XXYLT1: variants seen among roughly 807,000 people sequenced by gnomAD.
The protein encoded by XXYLT1 is xyloside xylosyltransferase 1, also known as UDP-xylose:alpha-xyloside alpha-1,3-xylosyltransferase.
XXYLT1 carries 20 observed loss-of-function variants against 28.9 expected under a neutral mutation model. The ratio of observed to expected loss-of-function variants is 0.69; its 90% CI spans 0.49 to 1.00. The LOEUF (loss-of-function observed/expected upper bound fraction) is 1.00, where lower values mean the gene tolerates loss of function less well. Among genes scored for constraint, XXYLT1 ranks in the 50% least tolerant of loss-of-function variants. The pLI, the probability that XXYLT1 is intolerant of heterozygous loss-of-function variation, is 0.00. For missense variants in XXYLT1, 542 were observed against 560.1 expected (o/e 0.97, Z 0.33); for synonymous variants, 257 against 253.8 (o/e 1.01, Z -0.12).
At chr3:195,103,333 ACGC>A in intron 3 of XXYLT1, among the ~76,000 whole-genome samples, 3 of 129,488 alleles carry the variant, frequency 2.3e-5, no homozygotes, top group African/African-American at 2.9e-5. Flanking sequence ...CCATCACCCC[ACGC>A]CAGCGACCTG....
rs898895904 is a variant in XXYLT1 at position 195,256,677 on chromosome 3, C to T, written c.504+13878G>A. On this transcript the variant is annotated intron_variant, in intron 1 of 3. Transcript: ENST00000310380. The surrounding 1 kb of genome is among the most constrained non-coding windows in gnomAD (Gnocchi z 4.2). ...AACAGACTGTTACTCAGAGCCGGAG[C>T]GTCCCCACTCCTCTTATGATGAGAA... The T allele has an allele frequency of 1.8e-5, 12 of 671,462 alleles. No individual in the cohort carries two copies. The highest frequency in any genetic ancestry group is 6.3e-5 in the Admixed American group (1 of 15,872). 41.6% of individuals were successfully genotyped at this position (671,462 alleles called of 1,614,324 possible).
chr3:195,109,166 T>G (rs776237221), intron 3 of XXYLT1, among the ~76,000 whole-genome samples: 3 of 151,960 alleles, frequency 2.0e-5, no homozygotes, highest in Non-Finnish European at 2.9e-5. Context: ...TCTTCGTTGC[T>G]TGCAGATCTC....
intron 3 of XXYLT1, among the ~76,000 whole-genome samples, chr3:195,102,460 T>C (rs1335214866): frequency 6.6e-6 from 1 of 152,038 alleles, no homozygotes; most frequent in East Asian, 1.9e-4. Flanking sequence ...GTGGCCACGG[T>C]AACCATCATT....
intron 2 of XXYLT1, among the ~76,000 whole-genome samples, chr3:195,220,259 A>G (rs1191819355): frequency 6.6e-6 from 1 of 152,188 alleles, no homozygotes; most frequent in Non-Finnish European, 1.5e-5. Flanking sequence ...CTCCCGCCTC[A>G]GCCTCCCAAG....
chr3:195,192,274 A>G (rs114459634), intron 2 of XXYLT1, among the ~76,000 whole-genome samples: 2,733 of 152,164 alleles, frequency 0.018, 36 homozygotes, highest in Non-Finnish European at 0.027. Context: ...CAAATACAAA[A>G]ATTCGCCAGG....
intron 3 of XXYLT1, among the ~76,000 whole-genome samples, chr3:195,119,240 C>A (rs745613056): frequency 6.8e-6 from 1 of 147,638 alleles, no homozygotes; most frequent in Non-Finnish European, 1.5e-5. Flanking sequence ...GCCGAGATTG[C>A]GCCATTGCAC....
At chr3:195,249,200 G>A (rs541784747) in intron 1 of XXYLT1, among the ~76,000 whole-genome samples, 5 of 152,218 alleles carry the variant, frequency 3.3e-5, no homozygotes, top group South Asian at 2.1e-4. Context: ...TGATTTCCCC[G>A]CCTGACGTCA....
At chr3:195,085,529 G>A (rs760362021) in intron 3 of XXYLT1, among the ~76,000 whole-genome samples, 1 of 152,158 alleles carries the variant, frequency 6.6e-6, no homozygotes, top group Non-Finnish European at 1.5e-5. Flanking sequence ...AGTTCTACTC[G>A]AGAAGCACAG....
intron 3 of XXYLT1, among the ~76,000 whole-genome samples, chr3:195,117,098 A>C (rs538870090): frequency 2.1e-3 from 249 of 119,632 alleles, no homozygotes; most frequent in Non-Finnish European, 3.5e-3. Context: ...GAAACATCCT[A>C]TATATATATA....
At chr3:195,131,972 G>A (rs550100134) in intron 3 of XXYLT1, among the ~76,000 whole-genome samples, 1 of 152,304 alleles carries the variant, frequency 6.6e-6, no homozygotes, top group African/African-American at 2.4e-5. Flanking sequence ...TCAGCATCTA[G>A]CAGGCCCAAG....
rs146552614 is a variant in XXYLT1 at position 195,111,224 on chromosome 3, T to G, written c.786-41113A>C. Among the ~76,000 whole-genome samples, 193 of 152,200 alleles carry G rather than the reference T, an allele frequency of 1.3e-3. 1 individual carries two copies. Among genetic ancestry groups the G allele is most frequent in the African/African-American group, 4.2e-3 (176 of 41,490 alleles). On this transcript the variant is annotated intron_variant, in intron 3 of 3. Transcript: ENST00000310380. ...CTTTACGTGATGTTCTCCCTGTGTGTGTGTGTCTGTGCCCAAATTCCTCTT... is the reference window on the plus strand; with the variant it reads ...CTTTACGTGATGTTCTCCCTGTGTGGGTGTGTCTGTGCCCAAATTCCTCTT...
At chr3:195,267,217 T>A (rs1356938707) in intron 1 of XXYLT1, among the ~76,000 whole-genome samples, 1 of 152,256 alleles carries the variant, frequency 6.6e-6, no homozygotes, top group African/African-American at 2.4e-5. Flanking sequence ...CTGCTCTGCA[T>A]CTTGCAGCCA....
At chr3:195,245,909 C>T (rs1426915894) in intron 1 of XXYLT1, among the ~76,000 whole-genome samples, 8 of 152,188 alleles carry the variant, frequency 5.3e-5, no homozygotes, top group Non-Finnish European at 1.2e-4. Context: ...TAAGGCCTCC[C>T]GCAGAAGCAG....
intron 3 of XXYLT1, chr3:195,122,256 C>A: frequency 1.5e-6 from 1 of 684,580 alleles, no homozygotes; most frequent in Non-Finnish European, 2.7e-6. Flanking sequence ...GTTAGGATTT[C>A]AACACATGAA....
rs1028218518 is a variant in XXYLT1 at position 195,240,021 on chromosome 3, C to A, written c.505-13165G>T. Among the ~76,000 whole-genome samples, 2 of 152,192 alleles carry A rather than the reference C, an allele frequency of 1.3e-5. No individual in the cohort carries two copies. The highest frequency in any genetic ancestry group is 4.8e-5 in the African/African-American group (2 of 41,444). ...TATCCTGCCCCAGAAATGATTAAAT[C>A]TGTGTTAAATTTCTCTGCCTACTTT... On this transcript the variant is annotated intron_variant, in intron 1 of 3. Coordinates refer to ENST00000310380, the MANE Select transcript of XXYLT1 (RefSeq NM_152531.5). This position sits in a 1 kb window ranked among gnomAD's most constrained non-coding sequence, Gnocchi z 4.7.
intron 1 of XXYLT1, among the ~76,000 whole-genome samples, chr3:195,244,417 C>G (rs1454608017): frequency 6.6e-6 from 1 of 152,168 alleles, no homozygotes; most frequent in Non-Finnish European, 1.5e-5. Flanking sequence ...GGGTACTGAG[C>G]ACAGAGATTC....
intron 3 of XXYLT1, among the ~76,000 whole-genome samples, chr3:195,140,598 A>C (rs1397063627): frequency 2.6e-5 from 4 of 152,176 alleles, no homozygotes; most frequent in African/African-American, 7.2e-5. Context: ...TGGAAGGTGT[A>C]GGGGAAGCAA....
At chr3:195,137,652 GTAAATAC>G (rs780262538) in intron 3 of XXYLT1, among the ~76,000 whole-genome samples, 9 of 152,234 alleles carry the variant, frequency 5.9e-5, no homozygotes, top group Non-Finnish European at 1.3e-4. Context: ...TCCGTGCTCT[GTAAATAC>G]TGCCTGCTTT....
intron 1 of XXYLT1, among the ~76,000 whole-genome samples, chr3:195,241,465 T>C (rs908046804): frequency 6.6e-6 from 1 of 152,168 alleles, no homozygotes; most frequent in Non-Finnish European, 1.5e-5. Flanking sequence ...TCCCCAAGGC[T>C]TGTCAGCAAT....
Sources: gnomAD v4.1 joint callset for allele counts (sites outside exome capture counted in the v4.1 genomes callset) on GRCh38, gnomAD v4.1.1 for gene constraint, Gnocchi (gnomAD v3.1) non-coding constraint, MANE v1.5 for transcripts, NCBI Gene and HGNC (gene_info 2026-07-23, HGNC 2026-07-21) for gene names.